The following ZBTB34 variants were observed in gnomAD, a reference collection of about 807,000 sequenced individuals.
ZBTB34 encodes the protein zinc finger and BTB domain containing 34.
A neutral mutation model predicts 33.4 loss-of-function variants in ZBTB34; 1 was observed. The ratio of observed to expected loss-of-function variants is 0.03; its 90% CI spans 0.01 to 0.14. The LOEUF is 0.14. Ranked by LOEUF, ZBTB34 falls within the 10% of genes least tolerant of loss-of-function variation. The pLI is 1.00. For synonymous variants in ZBTB34, 283 were observed against 253.5 expected (o/e 1.12, Z -1.11); for missense variants, 406 against 657.2 (o/e 0.62, Z 4.18).
At chr9:126,884,031 A>G (rs777463420) in exon 2 of ZBTB34, 1 of 167,096 alleles carries the variant, frequency 6.0e-6, no homozygotes, top group Non-Finnish European at 1.5e-5. Flanking sequence ...CTATTTCTGT[A>G]CAGTTTTAGG....
chr9:126,882,923 A>G (rs1407907726), exon 2 of ZBTB34: 1 of 167,020 alleles, frequency 6.0e-6, no homozygotes, highest in Admixed American at 6.5e-5. Context: ...CTGCTGCGCT[A>G]CACATCAGTG....
At chr9:126,884,659 G>A (rs1235427016) in exon 2 of ZBTB34, 4 of 167,016 alleles carry the variant, frequency 2.4e-5, no homozygotes, top group East Asian at 1.9e-4. Flanking sequence ...ATAGACCTGC[G>A]TATTTTGTGT....
rs146076540 is a variant in ZBTB34 at position 126,878,393 on chromosome 9, C to T, written c.-10-997C>T. Reference sequence around the variant, plus strand: ...GCTGAGGCATGAGAATTGCTTGAACCTAGGAGGCGGAGGTTTCAGTGAGCC... The same window carrying T: ...GCTGAGGCATGAGAATTGCTTGAACTTAGGAGGCGGAGGTTTCAGTGAGCC... On this transcript the variant is annotated intron_variant, in intron 1 of 1. Coordinates refer to ENST00000319119, the Ensembl canonical transcript of ZBTB34. Among the ~76,000 whole-genome samples the T allele has an allele frequency of 6.3e-3, 952 of 151,916 alleles. 38 individuals carry two copies. In the East Asian group the frequency reaches 0.1, roughly 16 times the overall value.
chr9:126,861,275 A>T (rs2033140709), intron 1 of ZBTB34, among the ~76,000 whole-genome samples: 1 of 152,082 alleles, frequency 6.6e-6, no homozygotes, highest in Non-Finnish European at 1.5e-5. Flanking sequence ...TTGGCCCCAG[A>T]CGTCTCCGTG....
At position 126,861,287 on chromosome 9, in the gene ZBTB34, C is replaced by T. The variant is rs77259022; in HGVS notation, c.-11+548C>T. 8.5e-3 allele frequency among the ~76,000 whole-genome samples: 1,298 copies of T among 152,276 alleles called. 79 individuals are homozygous for T. In the East Asian group the frequency reaches 0.16, roughly 19 times the overall value. ...CGCTTGGCCCCAGACGTCTCCGTGGCCACTCGCGCTCAGTTGGTCCTGCCA... is the reference window on the plus strand; with the variant it reads ...CGCTTGGCCCCAGACGTCTCCGTGGTCACTCGCGCTCAGTTGGTCCTGCCA... On this transcript the variant is annotated intron_variant, in intron 1 of 1. Coordinates refer to ENST00000319119, the Ensembl canonical transcript of ZBTB34.
In ZBTB34 at chr9:126,882,501, A is replaced by G. The variant is rs1394022976; in HGVS notation, c.*1587A>G. ...TTCACATACACAAACAGGCTTTACA[A>G]GATTGCTTCGGTACTGTAAACTCTG... On this transcript the variant is annotated 3_prime_UTR_variant, in exon 2 of 2. Transcript: ENST00000319119. The G allele has an allele frequency of 6.0e-5, 10 of 167,058 alleles. 1 individual carries two copies. In the Admixed American group the frequency reaches 6.5e-4, roughly 11 times the overall value. 10.3% of individuals were successfully genotyped at this position (167,058 alleles called of 1,614,324 possible).
chr9:126,871,432 G>A (rs540803067), intron 1 of ZBTB34, among the ~76,000 whole-genome samples: 5 of 148,352 alleles, frequency 3.4e-5, no homozygotes, highest in Admixed American at 6.8e-5. Context: ...GCGCGATCTC[G>A]GCTCACTGCA....
At position 126,880,065 on chromosome 9, in the gene ZBTB34, C is replaced by T; in HGVS notation, c.666C>T (p.Asp222=). 6.2e-7 allele frequency: 1 copy of T among 1,613,664 alleles called. No homozygotes were observed. The highest frequency in any genetic ancestry group is 8.5e-7 in the Non-Finnish European group (1 of 1,179,860). ...AATATGAGATTCAGATAGAGGGAGACCATGAGCAAGGAGACCTATTGGTGA... is the reference window on the plus strand; with the variant it reads ...AATATGAGATTCAGATAGAGGGAGATCATGAGCAAGGAGACCTATTGGTGA... Residue 222 remains aspartate, a synonymous_variant, in exon 2 of 2, where the codon GAC becomes GAT. Transcript: ENST00000319119. This position sits in a 1 kb window ranked among gnomAD's most constrained non-coding sequence, Gnocchi z 6.7.
In ZBTB34 at chr9:126,880,110, G is replaced by A. The variant is rs1323484757; in HGVS notation, c.711G>A (p.Glu237=). The A allele has an allele frequency of 6.2e-7, 1 of 1,613,758 alleles. No homozygotes were observed. The highest frequency in any genetic ancestry group is 8.5e-7 in the Non-Finnish European group (1 of 1,179,890). Residue 237 remains glutamate, a synonymous_variant, in exon 2 of 2, where the codon GAG becomes GAA. Transcript: ENST00000319119. The surrounding 1 kb of genome is among the most constrained non-coding windows in gnomAD (Gnocchi z 6.7). ...TGGTGAGGGAGAGCCAGATCACCGA[G>A]GTGAAAGTGAAGATGGAGAAGTCCG...
At position 126,880,729 on chromosome 9, in the gene ZBTB34, C is replaced by A; in HGVS notation, c.1330C>A (p.Gln444Lys). 6.2e-7 allele frequency: 1 copy of A among 1,613,740 alleles called. No homozygotes were observed. Among genetic ancestry groups the A allele is most frequent in the Non-Finnish European group, 8.5e-7 (1 of 1,179,872 alleles). ...GATCTGCGGGAAGTGCTTTCCATTCCAAGGTACCCTCAACCAGCACTTGCG... is the reference window on the plus strand; with the variant it reads ...GATCTGCGGGAAGTGCTTTCCATTCAAAGGTACCCTCAACCAGCACTTGCG... The change falls in exon 2 of 2, where the codon CAA becomes AAA. Residue 444 changes from glutamine to lysine, a missense_variant. Transcript: ENST00000319119. The surrounding 1 kb of genome is among the most constrained non-coding windows in gnomAD (Gnocchi z 6.7).
exon 2 of ZBTB34, chr9:126,883,645 A>G (rs2033476420): frequency 6.0e-6 from 1 of 167,094 alleles, no homozygotes; most frequent in African/African-American, 2.4e-5. Context: ...TGCAAGTTCC[A>G]CTTGCTCCCA....
At chr9:126,878,721 GTTTTGTTTTTT>G (rs1209315313) in intron 1 of ZBTB34, among the ~76,000 whole-genome samples, 35 of 146,968 alleles carry the variant, frequency 2.4e-4, no homozygotes, top group African/African-American at 8.2e-4. Context: ...TTTTGTTTTT[GTTTTGTTTTTT>G]TTTTTTTTTT....
intron 1 of ZBTB34, among the ~76,000 whole-genome samples, chr9:126,861,872 C>A (rs537432199): frequency 6.6e-6 from 1 of 152,212 alleles, no homozygotes; most frequent in South Asian, 2.1e-4. Flanking sequence ...CTCCCCCATC[C>A]TTCCTTTATG....
exon 2 of ZBTB34, chr9:126,884,075 A>G (rs978370436): frequency 6.0e-6 from 1 of 167,100 alleles, no homozygotes; most frequent in African/African-American, 2.4e-5. Flanking sequence ...TGCAGAAATC[A>G]ATTAAGATAA....
chr9:126,881,218 A>G (rs976174564), exon 2 of ZBTB34: 3 of 329,116 alleles, frequency 9.1e-6, no homozygotes, highest in Non-Finnish European at 1.8e-5. Context: ...TTGACCCTCC[A>G]TTCTCTGCCA....
rs2033403949 is a variant in ZBTB34, at chr9:126,879,390, A to AGTACG, written c.-9_-5dup. ...TGATGCAAACTCTCTCTCTCCGCAG[A>AGTACG]GTACGCTTCATGTCAGTAGAAATGG... On this transcript the variant is annotated splice_region_variant and 5_prime_UTR_variant, in exon 2 of 2. Coordinates refer to ENST00000319119, the Ensembl canonical transcript of ZBTB34. This position sits in a 1 kb window ranked among gnomAD's most constrained non-coding sequence, Gnocchi z 6.4. The AGTACG allele has an allele frequency of 6.2e-7, 1 of 1,600,072 alleles. No homozygotes were observed. The highest frequency in any genetic ancestry group is 1.3e-5 in the African/African-American group (1 of 74,734).
chr9:126,874,768 G>T (rs2033332879), intron 1 of ZBTB34, among the ~76,000 whole-genome samples: 1 of 152,148 alleles, frequency 6.6e-6, no homozygotes, highest in Non-Finnish European at 1.5e-5. Flanking sequence ...TGTCTGGACA[G>T]TTTCCCTGCA....
chr9:126,861,250 G>A (rs1418639723), intron 1 of ZBTB34, among the ~76,000 whole-genome samples: 1 of 152,206 alleles, frequency 6.6e-6, no homozygotes, highest in Non-Finnish European at 1.5e-5. Context: ...AACAGGCGGC[G>A]GCGACGGGTT....
rs932738773 is a variant in ZBTB34 at position 126,877,434 on chromosome 9, T to C, written c.-10-1956T>C. Reference sequence around the variant, plus strand: ...TCTAAGTAGTTTTATTCCATTTAGATTTTTTTCTGATCTAATACTTAGGAG... The same window carrying C: ...TCTAAGTAGTTTTATTCCATTTAGACTTTTTTCTGATCTAATACTTAGGAG... On this transcript the variant is annotated intron_variant, in intron 1 of 1. Coordinates refer to ENST00000319119, the Ensembl canonical transcript of ZBTB34. Among the ~76,000 whole-genome samples, 14 of 152,226 alleles carry C rather than the reference T, an allele frequency of 9.2e-5. No individual in the cohort carries two copies. The East Asian group carries it at 1.5e-3, about 17-fold the overall frequency.
Sources: gnomAD v4.1 joint callset for allele counts (sites outside exome capture counted in the v4.1 genomes callset) on GRCh38, gnomAD v4.1.1 for gene constraint, Gnocchi (gnomAD v3.1) non-coding constraint, MANE v1.5 for transcripts, NCBI Gene and HGNC (gene_info 2026-07-23, HGNC 2026-07-21) for gene names.